The following NCALD variants were observed in gnomAD, a reference collection of about 807,000 sequenced individuals.
NCALD encodes neurocalcin delta, also known as neurocalcin-delta.
A neutral mutation model predicts 18.6 loss-of-function variants in NCALD; 10 were observed. The observed-to-expected ratio is 0.54, with a 90% CI of 0.33 to 0.91. The LOEUF is 0.91. NCALD is among the 40% of genes least tolerant of loss of function. The pLI is 0.03. For synonymous variants in NCALD, 88 were observed against 87.4 expected, an observed-to-expected ratio of 1.01 and a Z score of -0.04; for missense variants, 184 against 247.6, an observed-to-expected ratio of 0.74 and a Z score of 1.72.
chr8:101,880,577 A>G (rs1816452528), intron 4 of NCALD, among the ~76,000 whole-genome samples: 1 of 152,254 alleles, frequency 6.6e-6, no homozygotes, highest in East Asian at 1.9e-4. Flanking sequence ...TCTCACTGGT[A>G]GTCACAGACA....
intron 4 of NCALD, among the ~76,000 whole-genome samples, chr8:101,863,404 T>C (rs1023853514): frequency 5.9e-5 from 9 of 152,366 alleles, no homozygotes; most frequent in African/African-American, 2.2e-4. Flanking sequence ...TAAAAAAGAC[T>C]GTATCACCTC....
intron 2 of NCALD, among the ~76,000 whole-genome samples, chr8:101,929,622 A>T (rs1418551356): frequency 1.2e-5 from 1 of 81,648 alleles, no homozygotes; most frequent in East Asian, 4.4e-4. Flanking sequence ...GAAGGAAAGG[A>T]GGGAGGGAAG....
At chr8:101,889,637 C>T (rs1447914496) in intron 3 of NCALD, among the ~76,000 whole-genome samples, 1 of 152,162 alleles carries the variant, frequency 6.6e-6, no homozygotes, top group Non-Finnish European at 1.5e-5. Flanking sequence ...CAAACATTTG[C>T]AAAATTTCTA....
At chr8:101,746,623 A>G (rs1768427625) in intron 1 of NCALD, among the ~76,000 whole-genome samples, 1 of 152,106 alleles carries the variant, frequency 6.6e-6, no homozygotes. Flanking sequence ...TTTTCCTTCA[A>G]TGTTTGCAAA....
chr8:101,703,842 ACAGT>A (rs960114421), intron 2 of NCALD, among the ~76,000 whole-genome samples: 8 of 152,208 alleles, frequency 5.3e-5, no homozygotes, highest in African/African-American at 1.9e-4. Context: ...AGTATTCAGC[ACAGT>A]CAGTCTACAC....
At chr8:101,957,811 A>T (rs1173212410) in intron 2 of NCALD, among the ~76,000 whole-genome samples, 1 of 152,096 alleles carries the variant, frequency 6.6e-6, no homozygotes, top group Non-Finnish European at 1.5e-5. Context: ...CCTAAGAAAA[A>T]CTGGGAGATT....
chr8:101,892,963 C>T (rs1207586812), intron 3 of NCALD, among the ~76,000 whole-genome samples: 2 of 149,274 alleles, frequency 1.3e-5, no homozygotes, highest in Non-Finnish European at 2.9e-5. Flanking sequence ...AGGAGAACTT[C>T]CCCAATCTAG....
At chr8:101,888,823 A>T (rs1280363481) in intron 3 of NCALD, among the ~76,000 whole-genome samples, 1 of 152,054 alleles carries the variant, frequency 6.6e-6, no homozygotes, top group Non-Finnish European at 1.5e-5. Flanking sequence ...CTTCCATTTG[A>T]TCTTCTATTT....
intron 1 of NCALD, among the ~76,000 whole-genome samples, chr8:102,033,811 AG>A (rs1205832781): frequency 1.3e-5 from 2 of 152,150 alleles, no homozygotes; most frequent in Non-Finnish European, 2.9e-5. Flanking sequence ...CCAACAAAGG[AG>A]GGATGTCTAA....
chr8:101,859,837 C>T (rs1815468084), intron 4 of NCALD, among the ~76,000 whole-genome samples: 1 of 152,076 alleles, frequency 6.6e-6, no homozygotes, highest in African/African-American at 2.4e-5. Context: ...AAGAACATTT[C>T]CCAAAACAAA....
chr8:101,966,115 T>G (rs1820018594), intron 2 of NCALD, among the ~76,000 whole-genome samples: 1 of 151,854 alleles, frequency 6.6e-6, no homozygotes, highest in Non-Finnish European at 1.5e-5. Context: ...AAAAAGAACA[T>G]TATTAGATAT....
At chr8:101,797,806 C>A (rs1471261262) in intron 4 of NCALD, among the ~76,000 whole-genome samples, 2 of 150,348 alleles carry the variant, frequency 1.3e-5, no homozygotes, top group Non-Finnish European at 3.0e-5. Context: ...TACAGTGAGA[C>A]TCCATCTCAA....
chr8:101,982,766 G>T (rs1338192929), intron 2 of NCALD, among the ~76,000 whole-genome samples: 3 of 151,806 alleles, frequency 2.0e-5, no homozygotes, highest in Admixed American at 2.0e-4. Flanking sequence ...GCTTGAACCC[G>T]GGAGGCAGAG....
At position 101,803,037 on chromosome 8, in the gene NCALD, A is replaced by T. The variant is rs192692910; in HGVS notation, c.-19-83389T>A. On this transcript the variant is annotated intron_variant, in intron 4 of 6. Coordinates refer to the NCALD transcript ENST00000311028. ...AAAACAGATTTTCAATGTGGATGAAATCGCCTCTGATTGGAAGAAGATGCC... is the reference window on the plus strand; with the variant it reads ...AAAACAGATTTTCAATGTGGATGAATTCGCCTCTGATTGGAAGAAGATGCC... Among the ~76,000 whole-genome samples the T allele has an allele frequency of 2.3e-4, 35 of 152,320 alleles. No individual in the cohort carries two copies. The East Asian group carries it at 6.4e-3, about 28-fold the overall frequency.
chr8:102,074,248 C>T (rs1824272262), intron 1 of NCALD, among the ~76,000 whole-genome samples: 1 of 152,144 alleles, frequency 6.6e-6, no homozygotes, highest in African/African-American at 2.4e-5. Context: ...GAAGGTCCAG[C>T]TTTCATCAAC....
At chr8:101,899,878 T>C (rs534793847) in intron 3 of NCALD, among the ~76,000 whole-genome samples, 16 of 152,026 alleles carry the variant, frequency 1.1e-4, no homozygotes, top group Middle Eastern at 3.4e-3. Flanking sequence ...TAATTTCAGC[T>C]TCATAAAATG....
intron 1 of NCALD, chr8:102,070,190 A>G (rs949002834): frequency 1.3e-5 from 2 of 152,144 alleles, no homozygotes; most frequent in African/African-American, 4.8e-5. Flanking sequence ...CTATTTCTAG[A>G]TGGTAGGAGT....
chr8:102,079,372 C>T (rs1336589377), intron 1 of NCALD, among the ~76,000 whole-genome samples: 2 of 152,200 alleles, frequency 1.3e-5, no homozygotes, highest in Non-Finnish European at 2.9e-5. Context: ...ACCGTATTTT[C>T]CCCGTTTTCT....
Position 102,104,484 on chromosome 8 carries a change from A to T in NCALD, c.-210+19753T>A, listed in dbSNP as rs1362033024. 2.0e-5 allele frequency among the ~76,000 whole-genome samples: 3 copies of T among 152,018 alleles called. No homozygotes were observed. In the East Asian group the frequency reaches 5.8e-4, roughly 29 times the overall value. On this transcript the variant is annotated intron_variant, in intron 1 of 6. Transcript: ENST00000311028. Reference sequence around the variant, plus strand: ...CCATTTTCTTTGACTTAATATCATCATCTTTCAGAATTATAACCTAAAAAA... The same window carrying T: ...CCATTTTCTTTGACTTAATATCATCTTCTTTCAGAATTATAACCTAAAAAA...
Sources: allele counts gnomAD v4.1 joint callset (sites outside exome capture counted in the v4.1 genomes callset), GRCh38; gene constraint gnomAD v4.1.1; transcripts MANE v1.5; gene names NCBI Gene and HGNC (gene_info 2026-07-23, HGNC 2026-07-21).